DDX11: variants seen among roughly 807,000 people sequenced by gnomAD.
The protein encoded by DDX11 is DEAD/H-box helicase 11, also known as ATP-dependent DNA helicase DDX11.
Under a neutral mutation model 125.2 loss-of-function variants are expected in DDX11, and 72 were observed. That is an observed-to-expected ratio of 0.58 (90% CI 0.48 to 0.70). DDX11 has a LOEUF of 0.70. DDX11 is among the 30% of genes least tolerant of loss of function. DDX11 has a pLI of 0.00. For missense variants in DDX11, 883 were observed against 1,165.0 expected (o/e 0.76, Z 3.52); for synonymous variants, 347 against 452.6 (o/e 0.77, Z 2.96).
chr12:31,099,068 ATTTC>A (rs1319641629), intron 18 of DDX11, among the ~76,000 whole-genome samples: 1,857 of 103,920 alleles, frequency 0.018, 78 homozygotes, highest in Middle Eastern at 0.033. Flanking sequence ...CCATACTGGT[ATTTC>A]TTTCTTTCTT....
chr12:31,097,563 C>T (rs1235480695), intron 17 of DDX11, among the ~76,000 whole-genome samples: 1 of 147,940 alleles, frequency 6.8e-6, no homozygotes, highest in Non-Finnish European at 1.5e-5. Flanking sequence ...GCCTGTAGTC[C>T]CAGCTACTCG....
chr12:31,078,664 TA>T, intron 2 of DDX11, 127 bp downstream of exon 2: 1 of 1,408,152 alleles, frequency 7.1e-7, no homozygotes, highest in Non-Finnish European at 9.9e-7. Context: ...TTTATCTGAG[TA>T]ATAGTCACTT....
Position 31,094,738 on chromosome 12 carries a change from C to T in DDX11, c.1415-17C>T, listed in dbSNP as rs1592735637. 45 of 1,608,572 alleles carry T rather than the reference C, an allele frequency of 2.8e-5. 1 individual carries two copies. The East Asian group carries it at 1.0e-3, about 36-fold the overall frequency. The stretch of plus-strand genomic sequence containing the variant: ...TTAGGGTGAAGCTCCCAAGGCCCTT[C>T]ATGTGTTTGTTCTCAGGGACGGAGC... On this transcript the variant is annotated splice_polypyrimidine_tract_variant and intron_variant, in intron 13 of 26. Coordinates refer to ENST00000542838, the MANE Select transcript of DDX11 (RefSeq NM_030653.4).
rs1477930166 is a variant in DDX11 at position 31,085,016 on chromosome 12, G to A, written c.528G>A (p.Glu176=). Residue 176 remains glutamate (E), a synonymous_variant, in exon 5 of 27, where the codon GAG becomes GAA. Transcript: ENST00000542838. ...ERENLLRLSR[E]MLETGPEAER... ...AGAATCTCCTCCGCCTCAGCAGGGA[G>A]ATGCTAGAGACAGGCCCGGAGGCTG... 3.1e-6 allele frequency: 5 copies of A among 1,611,810 alleles called. No individual in the cohort carries two copies. Among genetic ancestry groups the A allele is most frequent in the Non-Finnish European group, 4.2e-6 (5 of 1,178,842 alleles).
chr12:31,103,052 G>C, intron 24 of DDX11, 32 bp downstream of exon 24: 1 of 1,608,184 alleles, frequency 6.2e-7, no homozygotes, highest in Non-Finnish European at 8.5e-7. Context: ...GAGGGTGACA[G>C]GAGAGTAGGC....
chr12:31,093,542 C>T (rs967953561), intron 12 of DDX11: 26 of 659,494 alleles, frequency 3.9e-5, no homozygotes, highest in Non-Finnish European at 6.4e-5. Flanking sequence ...ATGGTGAAAT[C>T]CCATCTCTAC....
chr12:31,103,269 A>T (rs1338445498), intron 24 of DDX11, 48 bp from the exon 25 acceptor site: 9 of 1,592,322 alleles, frequency 5.7e-6, no homozygotes, highest in Non-Finnish European at 7.7e-6. Flanking sequence ...TCCCAGGGGG[A>T]GCTGCAGGCA....
At chr12:31,075,229 A>G (rs1056165408) in intron 1 of DDX11, among the ~76,000 whole-genome samples, 7 of 151,222 alleles carry the variant, frequency 4.6e-5, no homozygotes, top group Non-Finnish European at 1.0e-4. Context: ...CTAAACCTCT[A>G]TGATTTAGCC....
Position 31,080,316 on chromosome 12 carries a change from C to G in DDX11, c.144+1779C>G, listed in dbSNP as rs139732454. 3.9e-3 allele frequency among the ~76,000 whole-genome samples: 599 copies of G among 152,124 alleles called. 8 individuals carry two copies. Among genetic ancestry groups the G allele is most frequent in the African/African-American group, 0.014 (572 of 41,478 alleles). ...GAAGGGGATCCAGGTGGAGAGTCCC[C>G]CTCAGTGCCTGCTTTCAGCCTGGCC... On this transcript the variant is annotated intron_variant, in intron 2 of 26. Coordinates refer to ENST00000542838, the MANE Select transcript of DDX11 (RefSeq NM_030653.4).
chr12:31,077,987 T>A lies in DDX11; in HGVS notation c.-4-403T>A, dbSNP rs538063323. 9.1e-4 allele frequency: 317 copies of A among 348,296 alleles called. 2 individuals are homozygous for A. Among genetic ancestry groups the A allele is most frequent in the South Asian group, 1.4e-3 (64 of 44,626 alleles). The allele number at this position is 348,296 out of a possible 1,614,324, so 21.6% of individuals were successfully genotyped here. ...AAGTGAAGTAGCTTCGGCTTGTGAA[T>A]GTGCATTGCAGAGACGTGGGAGAAG... is the stretch of plus-strand genomic sequence containing the variant. On this transcript the variant is annotated intron_variant, in intron 1 of 26. Transcript: ENST00000542838.
At position 31,096,888 on chromosome 12, in the gene DDX11, G is replaced by T. The variant is rs756008353; in HGVS notation, c.1660G>T (p.Ala554Ser). Residue 554 changes from alanine (A) to serine (S), a missense_variant, in exon 17 of 27, where the codon GCC (alanine) becomes TCC (serine). Around this residue, in one of 5 missense-constraint regions of DDX11, gnomAD observed 241 missense variants for 279.7 expected, o/e 0.86. Coordinates refer to ENST00000542838, the MANE Select transcript of DDX11 (RefSeq NM_030653.4). ...TGCAGCCCCTGCAGACGAGAGTCAGGCCAGCACCCTGCGACCAGCTTCTCC... is the reference window on the plus strand; with the variant it reads ...TGCAGCCCCTGCAGACGAGAGTCAGTCCAGCACCCTGCGACCAGCTTCTCC... ...ALAAPADESQ[A>S]STLRPASPLM... 170 of 1,614,162 alleles carry T rather than the reference G, an allele frequency of 1.1e-4. 1 individual carries two copies. Among genetic ancestry groups the T allele is most frequent in the Non-Finnish European group, 1.4e-4 (167 of 1,180,032 alleles).
chr12:31,095,334 C>T (rs1358916262), intron 14 of DDX11, among the ~76,000 whole-genome samples: 1 of 152,192 alleles, frequency 6.6e-6, no homozygotes, highest in East Asian at 1.9e-4. Context: ...CTGTTGTAGG[C>T]GGCATGCCAT....
intron 2 of DDX11, 48 bp downstream of exon 2, chr12:31,078,585 C>T: frequency 6.2e-7 from 1 of 1,611,624 alleles, no homozygotes. Flanking sequence ...TTAACAGCAG[C>T]CGTACTAGCT....
rs1943684997 is a variant in DDX11, at chr12:31,089,099, A to G, written c.740A>G (p.Lys247Arg). The G allele has an allele frequency of 1.9e-6, 3 of 1,613,878 alleles. No homozygotes were observed. The highest frequency in any genetic ancestry group is 1.7e-5 in the Admixed American group (1 of 60,004). ...CTGGCCCAGTTTGTGCATGAGGTGA[A>G]GAAGAGCCCCTTTGGCAAGGATGTT... ...SQLAQFVHEVKKSPFGKDVRL... is the reference protein window; with the variant it reads ...SQLAQFVHEVRKSPFGKDVRL... Residue 247 changes from lysine (K) to arginine (R), a missense_variant, in exon 7 of 27, where the codon AAG becomes AGG. Coordinates refer to ENST00000542838, the MANE Select transcript of DDX11 (RefSeq NM_030653.4).
intron 9 of DDX11, 102 bp downstream of exon 9, chr12:31,090,196 C>T (rs1943960493): frequency 3.3e-6 from 3 of 921,720 alleles, no homozygotes; most frequent in Middle Eastern, 6.3e-4. Flanking sequence ...TGCCCCCCAC[C>T]GTGGTCAGGT....
At chr12:31,074,636 CA>C (rs1940435043) in intron 1 of DDX11, among the ~76,000 whole-genome samples, 1 of 152,226 alleles carries the variant, frequency 6.6e-6, no homozygotes. Flanking sequence ...GGAGGGGACA[CA>C]GGGCCAGAGC....
rs1488241413 is a variant in DDX11, at chr12:31,104,022, A to G, written c.*186A>G. On this transcript the variant is annotated 3_prime_UTR_variant, in exon 27 of 27. Coordinates refer to ENST00000542838, the MANE Select transcript of DDX11 (RefSeq NM_030653.4). ...TAGCTCCCGTAGGAGAAAATGGGGG[A>G]ATCCTGAATGAACAGTGGGTCCTGG... is the stretch of plus-strand genomic sequence containing the variant. 1 of 1,552,882 alleles carries G rather than the reference A, an allele frequency of 6.4e-7. No homozygotes were observed. Among genetic ancestry groups the G allele is most frequent in the South Asian group, 1.2e-5 (1 of 84,748 alleles).
chr12:31,084,570 C>T lies in DDX11; in HGVS notation c.394-13C>T. 6.3e-7 allele frequency: 1 copy of T among 1,589,144 alleles called. No individual in the cohort carries two copies. Among genetic ancestry groups the T allele is most frequent in the Non-Finnish European group, 8.6e-7 (1 of 1,165,454 alleles). On this transcript the variant is annotated splice_polypyrimidine_tract_variant and intron_variant, in intron 3 of 26. Transcript: ENST00000542838. Reference sequence around the variant, plus strand: ...CTTCCTTGGTGATTTTCCTTCATGTCTGCCTCCTGTAGGCGGAGCAGGCCA... The same window carrying T: ...CTTCCTTGGTGATTTTCCTTCATGTTTGCCTCCTGTAGGCGGAGCAGGCCA...
intron 6 of DDX11, among the ~76,000 whole-genome samples, chr12:31,088,562 C>A (rs1275520923): frequency 1.3e-5 from 2 of 149,790 alleles, no homozygotes; most frequent in Admixed American, 6.7e-5. Context: ...TGTTTTCTGT[C>A]GGAAGTAGGT....
Sources: allele counts gnomAD v4.1 joint callset (sites outside exome capture counted in the v4.1 genomes callset), GRCh38; gene constraint gnomAD v4.1.1; regional missense constraint gnomAD v4.1.1; transcripts MANE v1.5; gene names NCBI Gene and HGNC (gene_info 2026-07-23, HGNC 2026-07-21).